The following TRPC4 variants were observed in gnomAD, a reference collection of about 807,000 sequenced individuals.
TRPC4 encodes the protein transient receptor potential cation channel subfamily C member 4.
In TRPC4, 49 loss-of-function variants were observed where a neutral mutation model predicts 99.4. The ratio of observed to expected loss-of-function variants is 0.49; its 90% confidence interval spans 0.39 to 0.63. The LOEUF is 0.63. TRPC4 is among the 20% of genes least tolerant of loss of function. The pLI is 0.00. For synonymous variants in TRPC4, 454 were observed against 425.9 expected, an observed-to-expected ratio of 1.07 and a Z score of -0.81; for missense variants, 898 against 1,152.9, an observed-to-expected ratio of 0.78 and a Z score of 3.20.
chr13:37,758,678 CATGTGT>C (rs1487694714), intron 2 of TRPC4, among the ~76,000 whole-genome samples: 1 of 151,606 alleles, frequency 6.6e-6, no homozygotes, highest in Non-Finnish European at 1.5e-5. Context: ...CTTAATTCGA[CATGTGT>C]ATGCAGTACA....
chr13:37,769,070 T>A (rs959600905), intron 2 of TRPC4, among the ~76,000 whole-genome samples: 10 of 151,596 alleles, frequency 6.6e-5, no homozygotes, highest in Non-Finnish European at 1.5e-4. Flanking sequence ...GGTGCAAAAA[T>A]TCATGGAAAC....
intron 1 of TRPC4, among the ~76,000 whole-genome samples, chr13:37,844,747 T>C (rs184654449): frequency 6.6e-6 from 1 of 152,260 alleles, no homozygotes; most frequent in Non-Finnish European, 1.5e-5. Context: ...CAACTGCATG[T>C]AAACCAGTAA....
At chr13:37,799,459 G>A (rs943407573) in intron 1 of TRPC4, among the ~76,000 whole-genome samples, 1 of 152,056 alleles carries the variant, frequency 6.6e-6, no homozygotes, top group African/African-American at 2.4e-5. Context: ...AGGAACACAA[G>A]ACTTGTAGTC....
chr13:37,771,335 T>C (rs1044704541), intron 2 of TRPC4, among the ~76,000 whole-genome samples: 8 of 151,802 alleles, frequency 5.3e-5, no homozygotes, highest in Non-Finnish European at 1.2e-4. Context: ...ACTTCTCTCA[T>C]CTTAGGTTGT....
chr13:37,845,339 CA>C (rs1566218533), intron 1 of TRPC4, among the ~76,000 whole-genome samples: 2 of 151,872 alleles, frequency 1.3e-5, no homozygotes, highest in Non-Finnish European at 2.9e-5. Context: ...AAATGACTAA[CA>C]AAAAATTCAG....
intron 5 of TRPC4, among the ~76,000 whole-genome samples, chr13:37,666,823 A>G (rs1952660481): frequency 1.3e-5 from 2 of 151,972 alleles, no homozygotes; most frequent in Admixed American, 6.6e-5. Context: ...TTAAAAGTTG[A>G]GTTCATTTTT....
chr13:37,659,416 T>C (rs904410061), intron 6 of TRPC4, among the ~76,000 whole-genome samples: 1 of 152,164 alleles, frequency 6.6e-6, no homozygotes, highest in Non-Finnish European at 1.5e-5. Flanking sequence ...GTGCTTCTTA[T>C]AGAGTGTGCA....
At chr13:37,839,077 T>C (rs947123326) in intron 1 of TRPC4, among the ~76,000 whole-genome samples, 1 of 152,224 alleles carries the variant, frequency 6.6e-6, no homozygotes, top group Non-Finnish European at 1.5e-5. Context: ...ACGTAGTGAC[T>C]ACATAGTATA....
At chr13:37,790,849 T>A (rs1489349730) in intron 1 of TRPC4, among the ~76,000 whole-genome samples, 1 of 152,126 alleles carries the variant, frequency 6.6e-6, no homozygotes, top group Non-Finnish European at 1.5e-5. Flanking sequence ...GGAGTTTGTA[T>A]GGTGACATAT....
chr13:37,779,886 C>T (rs1280108617), intron 2 of TRPC4, among the ~76,000 whole-genome samples: 1 of 152,040 alleles, frequency 6.6e-6, no homozygotes, highest in Non-Finnish European at 1.5e-5. Flanking sequence ...AGCCCTTCTC[C>T]AGCCCTCTAC....
chr13:37,679,037 A>T (rs1566090232), intron 4 of TRPC4, among the ~76,000 whole-genome samples: 1 of 152,170 alleles, frequency 6.6e-6, no homozygotes, highest in Non-Finnish European at 1.5e-5. Flanking sequence ...ATTCATGATA[A>T]AAACTTTCAG....
At chr13:37,823,754 G>A (rs553123884) in intron 1 of TRPC4, among the ~76,000 whole-genome samples, 3,720 of 144,098 alleles carry the variant, frequency 0.026, 94 homozygotes, top group African/African-American at 0.072. Flanking sequence ...TGGCGATGCG[G>A]GCTCTTTTTT....
chr13:37,690,697 T>C (rs1953660642), intron 4 of TRPC4, among the ~76,000 whole-genome samples: 1 of 152,256 alleles, frequency 6.6e-6, no homozygotes. Context: ...TTTTGTTTAG[T>C]TATATAAGTA....
chr13:37,821,660 A>G (rs886730037), intron 1 of TRPC4, among the ~76,000 whole-genome samples: 1 of 152,170 alleles, frequency 6.6e-6, no homozygotes, highest in African/African-American at 2.4e-5. Context: ...ATAAAGCCAC[A>G]TGCCTACATT....
At chr13:37,680,901 T>C (rs944679607) in intron 4 of TRPC4, among the ~76,000 whole-genome samples, 20 of 152,234 alleles carry the variant, frequency 1.3e-4, no homozygotes, top group African/African-American at 4.8e-4. Context: ...TATTTTAAAG[T>C]ACTTGCTAAC....
chr13:37,807,645 C>T (rs1217117325), intron 1 of TRPC4, among the ~76,000 whole-genome samples: 2 of 151,982 alleles, frequency 1.3e-5, no homozygotes, highest in Non-Finnish European at 2.9e-5. Flanking sequence ...TGGACCCACT[C>T]TAAAGCATAA....
In TRPC4 at chr13:37,745,926, G is replaced by T; in HGVS notation, c.897+11C>A. ...ATGGCATTTTGATGGATCAAGTCTG[G>T]CAACACTCACCTCTTTTTGACGGTA... On this transcript the variant is annotated intron_variant, in intron 3 of 10. Coordinates refer to ENST00000379705, the MANE Select transcript of TRPC4 (RefSeq NM_016179.4). 6.2e-7 allele frequency: 1 copy of T among 1,603,532 alleles called. No homozygotes were observed. Among genetic ancestry groups the T allele is most frequent in the Non-Finnish European group, 8.5e-7 (1 of 1,173,614 alleles).
In TRPC4 at chr13:37,665,378, T is replaced by C. The variant is rs1952606243; in HGVS notation, c.1375-1649A>G. On this transcript the variant is annotated intron_variant, in intron 5 of 10. Coordinates refer to ENST00000379705, the MANE Select transcript of TRPC4 (RefSeq NM_016179.4). Reference sequence around the variant, plus strand: ...AAATTCCTCTTCATTTAACCTAATATAGCTCAGGACTATATTTTAAAATAC... The same window carrying C: ...AAATTCCTCTTCATTTAACCTAATACAGCTCAGGACTATATTTTAAAATAC... Among the ~76,000 whole-genome samples the C allele has an allele frequency of 5.3e-5, 8 of 152,220 alleles. No homozygotes were observed. The South Asian group carries it at 1.4e-3, about 28-fold the overall frequency.
At chr13:37,733,195 C>T (rs1566128966) in intron 3 of TRPC4, among the ~76,000 whole-genome samples, 1 of 152,076 alleles carries the variant, frequency 6.6e-6, no homozygotes, top group Non-Finnish European at 1.5e-5. Flanking sequence ...ATCACTTGAG[C>T]CCAGGAGACA....
Sources: allele counts gnomAD v4.1 joint callset (sites outside exome capture counted in the v4.1 genomes callset), GRCh38; gene constraint gnomAD v4.1.1; transcripts MANE v1.5; gene names NCBI Gene and HGNC (gene_info 2026-07-23, HGNC 2026-07-21).